ERC2: variants seen among roughly 807,000 people sequenced by gnomAD.
ERC2 encodes ERC protein 2.
A neutral mutation model predicts 114.8 loss-of-function variants in ERC2; 42 were observed. The ratio of observed to expected loss-of-function variants is 0.37; its 90% CI spans 0.29 to 0.47. The LOEUF (loss-of-function observed/expected upper bound fraction) is 0.47. ERC2 is among the 20% of genes least tolerant of loss of function. ERC2 has a pLI of 0.99. For synonymous variants in ERC2, 454 were observed against 425.5 expected (o/e 1.07, Z -0.82); for missense variants, 939 against 1,150.7 (o/e 0.82, Z 2.66).
chr3:55,808,363 C>T (rs1366016840), intron 14 of ERC2, among the ~76,000 whole-genome samples: 1 of 152,116 alleles, frequency 6.6e-6, no homozygotes, highest in Non-Finnish European at 1.5e-5. Flanking sequence ...GTATCCCAGG[C>T]AGATCTTTTT....
At chr3:55,779,843 T>G (rs769156234) in intron 14 of ERC2, among the ~76,000 whole-genome samples, 2 of 152,192 alleles carry the variant, frequency 1.3e-5, no homozygotes, top group Non-Finnish European at 2.9e-5. Flanking sequence ...GTGGGTCTGA[T>G]TCCTACCACG....
At chr3:56,004,414 A>G (rs1226156397) in intron 10 of ERC2, among the ~76,000 whole-genome samples, 2 of 152,060 alleles carry the variant, frequency 1.3e-5, no homozygotes, top group African/African-American at 4.8e-5. Flanking sequence ...ATGAACATTT[A>G]TAAGTAGTGG....
At chr3:56,412,239 T>A (rs2060969472) in intron 2 of ERC2, among the ~76,000 whole-genome samples, 1 of 152,208 alleles carries the variant, frequency 6.6e-6, no homozygotes, top group Admixed American at 6.5e-5. Context: ...AGGTATGGAA[T>A]GTATTCTCCC....
chr3:55,757,174 A>T (rs1256255574), intron 14 of ERC2, among the ~76,000 whole-genome samples: 1 of 152,162 alleles, frequency 6.6e-6, no homozygotes, highest in East Asian at 1.9e-4. Context: ...AATTATTGTC[A>T]TTTCCGGCCA....
intron 17 of ERC2, among the ~76,000 whole-genome samples, chr3:55,530,769 T>G (rs1331918236): frequency 1.3e-5 from 2 of 152,196 alleles, no homozygotes; most frequent in South Asian, 2.1e-4. Flanking sequence ...GGCCCACCAC[T>G]GTCACTTGCT....
At position 56,404,483 on chromosome 3, in the gene ERC2, T is replaced by C. The variant is rs546401563; in HGVS notation, c.657+29868A>G. ...GCAGGGCATTAGTGGGTACAAAAAA[T>C]AGAAAAAAATGAATAAGACCCAGTA... On this transcript the variant is annotated intron_variant, in intron 2 of 17. Coordinates refer to ENST00000288221, the MANE Select transcript of ERC2 (RefSeq NM_015576.3). Among the ~76,000 whole-genome samples, 8 of 151,986 alleles carry C rather than the reference T, an allele frequency of 5.3e-5. No homozygotes were observed. In the South Asian group the frequency reaches 1.7e-3, roughly 32 times the overall value.
At chr3:56,102,065 C>G (rs915745019) in intron 6 of ERC2, among the ~76,000 whole-genome samples, 1 of 152,190 alleles carries the variant, frequency 6.6e-6, no homozygotes. Flanking sequence ...GATGTTCTTA[C>G]GCTCATATTT....
intron 17 of ERC2, among the ~76,000 whole-genome samples, chr3:55,554,167 A>T (rs916773085): frequency 6.6e-6 from 1 of 151,940 alleles, no homozygotes; most frequent in African/African-American, 2.4e-5. Flanking sequence ...GGTGTAGACG[A>T]CCTGGACTAT....
Position 56,456,594 on chromosome 3 carries a change from T to C in ERC2, c.-141+11654A>G, listed in dbSNP as rs150890492. On this transcript the variant is annotated intron_variant, in intron 1 of 17. Coordinates refer to ENST00000288221, the MANE Select transcript of ERC2 (RefSeq NM_015576.3). ...CTTTAACTTCACTCACAACTATAAA[T>C]AGTTGGCCAATTTAAGTTCAAAGCA... 6.6e-5 allele frequency among the ~76,000 whole-genome samples: 10 copies of C among 152,304 alleles called. No individual in the cohort carries two copies. The East Asian group carries it at 9.6e-4, about 15-fold the overall frequency.
intron 7 of ERC2, among the ~76,000 whole-genome samples, chr3:56,024,659 G>A (rs529728834): frequency 5.3e-5 from 8 of 152,324 alleles, no homozygotes; most frequent in African/African-American, 1.9e-4. Context: ...ATAGTGAGAT[G>A]TTCTTCATAA....
chr3:55,691,456 G>C (rs972504272), intron 16 of ERC2, among the ~76,000 whole-genome samples: 4 of 147,932 alleles, frequency 2.7e-5, no homozygotes, highest in African/African-American at 1.0e-4. Context: ...TTTCTTCATG[G>C]GTTGTTGAAT....
At chr3:56,122,525 G>T (rs571594317) in intron 6 of ERC2, among the ~76,000 whole-genome samples, 47 of 152,194 alleles carry the variant, frequency 3.1e-4, no homozygotes, top group African/African-American at 1.1e-3. Context: ...ATAAATCAAA[G>T]CCATCCGCAA....
chr3:55,914,356 T>G (rs2064979266), intron 13 of ERC2, among the ~76,000 whole-genome samples: 1 of 152,200 alleles, frequency 6.6e-6, no homozygotes, highest in Non-Finnish European at 1.5e-5. Flanking sequence ...TATCTTTAAA[T>G]GTTACATTAT....
intron 14 of ERC2, among the ~76,000 whole-genome samples, chr3:55,751,434 A>G (rs1328888930): frequency 6.6e-6 from 1 of 152,224 alleles, no homozygotes; most frequent in African/African-American, 2.4e-5. Flanking sequence ...TAAAGGTGGC[A>G]AGAAGGGCCT....
chr3:56,050,045 G>C (rs1182140551), intron 7 of ERC2, among the ~76,000 whole-genome samples: 1 of 152,152 alleles, frequency 6.6e-6, no homozygotes, highest in Non-Finnish European at 1.5e-5. Flanking sequence ...ATCAGTGGTT[G>C]CCAGGGCACT....
intron 2 of ERC2, among the ~76,000 whole-genome samples, chr3:56,341,826 C>A (rs1358611821): frequency 6.6e-6 from 1 of 152,128 alleles, no homozygotes; most frequent in Admixed American, 6.6e-5. Flanking sequence ...CCTTTTATTT[C>A]TGTTTCCTAA....
At chr3:55,830,268 T>C (rs919265959) in intron 14 of ERC2, among the ~76,000 whole-genome samples, 1 of 152,120 alleles carries the variant, frequency 6.6e-6, no homozygotes, top group African/African-American at 2.4e-5. Flanking sequence ...AGATGAAACA[T>C]GATAAAGGCA....
chr3:55,698,430 G>GTGAAAAGTT (rs1245444795), intron 16 of ERC2, among the ~76,000 whole-genome samples: 4 of 152,122 alleles, frequency 2.6e-5, no homozygotes, highest in Admixed American at 1.3e-4. Flanking sequence ...ACAGAGCCAC[G>GTGAAAAGTT]TGAAAAGTTT....
chr3:56,147,178 G>A (rs1166547343), intron 5 of ERC2, among the ~76,000 whole-genome samples: 2 of 152,204 alleles, frequency 1.3e-5, no homozygotes, highest in Non-Finnish European at 2.9e-5. Context: ...TTCATTTTCA[G>A]AATGATTTGG....
Sources: allele counts gnomAD v4.1 joint callset (sites outside exome capture counted in the v4.1 genomes callset), GRCh38; gene constraint gnomAD v4.1.1; transcripts MANE v1.5; gene names NCBI Gene and HGNC (gene_info 2026-07-23, HGNC 2026-07-21).